FAM13A: variants seen among roughly 807,000 people sequenced by gnomAD.
FAM13A encodes the protein family with sequence similarity 13 member A.
FAM13A carries 76 observed loss-of-function variants against 129.6 expected under a neutral mutation model. The ratio of observed to expected loss-of-function variants is 0.59; its 90% CI spans 0.49 to 0.71. The LOEUF (loss-of-function observed/expected upper bound fraction) is 0.71. Ranked by LOEUF, FAM13A falls within the 30% of genes least tolerant of loss-of-function variation. The pLI is 0.00. For synonymous variants in FAM13A, 443 were observed against 449.9 expected, an observed-to-expected ratio of 0.98 and a Z score of 0.20; for missense variants, 1,108 against 1,249.3, an observed-to-expected ratio of 0.89 and a Z score of 1.70.
chr4:88,958,273 C>T (rs1385190658), intron 4 of FAM13A, among the ~76,000 whole-genome samples: 1 of 152,212 alleles, frequency 6.6e-6, no homozygotes, highest in Non-Finnish European at 1.5e-5. Context: ...GTTTCCTGGG[C>T]CATGTCCAGG....
chr4:89,021,285 C>G lies in FAM13A; in HGVS notation c.218-616G>C, dbSNP rs556456217. Among the ~76,000 whole-genome samples the G allele has an allele frequency of 1.5e-4, 23 of 152,306 alleles. No homozygotes were observed. The South Asian group carries it at 4.6e-3, about 30-fold the overall frequency. ...AACTTAACCTTTGGCTAAAGCAACACAGAGGGGCTGGAGCTGTTACGCTGT... is the reference window on the plus strand; with the variant it reads ...AACTTAACCTTTGGCTAAAGCAACAGAGAGGGGCTGGAGCTGTTACGCTGT... On this transcript the variant is annotated intron_variant, in intron 2 of 23. Transcript: ENST00000264344.
chr4:88,940,532 G>A (rs2148822978), intron 4 of FAM13A, among the ~76,000 whole-genome samples: 1 of 152,198 alleles, frequency 6.6e-6, no homozygotes, highest in Non-Finnish European at 1.5e-5. Context: ...AAAATGAAAG[G>A]GGACATGATT....
At chr4:88,859,555 A>G (rs1488947868) in intron 6 of FAM13A, among the ~76,000 whole-genome samples, 1 of 152,152 alleles carries the variant, frequency 6.6e-6, no homozygotes, top group Non-Finnish European at 1.5e-5. Flanking sequence ...CGGTGAAGGA[A>G]GTGATGTTGG....
At chr4:88,754,116 C>G (rs964226182) in intron 14 of FAM13A, among the ~76,000 whole-genome samples, 3 of 152,148 alleles carry the variant, frequency 2.0e-5, no homozygotes, top group Non-Finnish European at 4.4e-5. Flanking sequence ...TCCTTGTGTA[C>G]AGTTAGTTTT....
rs1350980144 is a variant in FAM13A at position 88,950,608 on chromosome 4, T to C, written c.606-12367A>G. Among the ~76,000 whole-genome samples the C allele has an allele frequency of 3.3e-5, 5 of 152,222 alleles. 1 individual carries two copies. The highest frequency in any genetic ancestry group is 3.3e-4 in the Admixed American group (5 of 15,284). ...GAATACTGAAGTGTAAAGAGCTGGA[T>C]GGGCTTGTTTTAATCCACTACCAGA... On this transcript the variant is annotated intron_variant, in intron 4 of 23. Coordinates refer to ENST00000264344, the MANE Select transcript of FAM13A (RefSeq NM_014883.4).
chr4:89,032,543 C>A (rs967781649), intron 1 of FAM13A, among the ~76,000 whole-genome samples: 2 of 152,096 alleles, frequency 1.3e-5, no homozygotes, highest in African/African-American at 4.8e-5. Context: ...TGGTTTCAGT[C>A]AAAAAGGGCT....
intron 3 of FAM13A, among the ~76,000 whole-genome samples, chr4:89,000,434 C>T (rs780141325): frequency 9.2e-5 from 14 of 152,146 alleles, no homozygotes; most frequent in Non-Finnish European, 1.6e-4. Flanking sequence ...GTACCACATA[C>T]TGTGTGATTC....
intron 7 of FAM13A, among the ~76,000 whole-genome samples, chr4:88,820,133 T>C (rs181170427): frequency 6.6e-6 from 1 of 152,324 alleles, no homozygotes; most frequent in Admixed American, 6.5e-5. Flanking sequence ...TTCTATACAC[T>C]CTCACAATAC....
At chr4:88,884,040 C>T (rs557153890) in intron 6 of FAM13A, among the ~76,000 whole-genome samples, 1 of 151,794 alleles carries the variant, frequency 6.6e-6, no homozygotes, top group African/African-American at 2.4e-5. Context: ...AAAAAAAAGT[C>T]CAGGAAAAGA....
intron 3 of FAM13A, among the ~76,000 whole-genome samples, chr4:89,004,939 G>A (rs925020968): frequency 1.3e-5 from 2 of 151,644 alleles, no homozygotes; most frequent in Non-Finnish European, 2.9e-5. Context: ...TAGGTTCGGG[G>A]GTACATGTGA....
In FAM13A at chr4:88,845,172, T is replaced by C. The variant is rs1349386031; in HGVS notation, c.1007+5848A>G. On this transcript the variant is annotated intron_variant, in intron 7 of 23. Transcript: ENST00000264344. ...GAGGGAAAAAATGAGGAAAAGGATG[T>C]TGGAGACATTGAAAAAAAAACACTG... 3.3e-5 allele frequency among the ~76,000 whole-genome samples: 5 copies of C among 149,896 alleles called. No homozygotes were observed. In the South Asian group the frequency reaches 1.0e-3, roughly 31 times the overall value.
chr4:88,954,880 C>T (rs1460136652), intron 4 of FAM13A, among the ~76,000 whole-genome samples: 5 of 137,240 alleles, frequency 3.6e-5, no homozygotes, highest in Non-Finnish European at 7.9e-5. Context: ...AGCAAGACTT[C>T]GTCTCAAAAA....
At chr4:89,050,716 T>C (rs1178954348) in intron 1 of FAM13A, among the ~76,000 whole-genome samples, 1 of 151,636 alleles carries the variant, frequency 6.6e-6, no homozygotes, top group Non-Finnish European at 1.5e-5. Context: ...TCACCTGAGG[T>C]CAGGAGTTCA....
intron 6 of FAM13A, among the ~76,000 whole-genome samples, chr4:88,858,925 T>C (rs1285030124): frequency 2.6e-5 from 4 of 152,298 alleles, no homozygotes; most frequent in Admixed American, 6.5e-5. Context: ...AAGAGGAAGA[T>C]CAAGTGTGTC....
intron 8 of FAM13A, among the ~76,000 whole-genome samples, chr4:88,797,018 GA>G (rs1208468602): frequency 1.3e-5 from 2 of 151,940 alleles, no homozygotes; most frequent in African/African-American, 4.8e-5. Context: ...AAAACCTCTT[GA>G]CACCTGCTTC....
At chr4:88,988,114 T>G (rs183366496) in intron 4 of FAM13A, among the ~76,000 whole-genome samples, 1 of 152,150 alleles carries the variant, frequency 6.6e-6, no homozygotes, top group East Asian at 1.9e-4. Context: ...TTGCACATCC[T>G]GCACATGTAT....
At chr4:89,041,919 C>CA (rs35090010) in intron 1 of FAM13A, among the ~76,000 whole-genome samples, 218 of 139,462 alleles carry the variant, frequency 1.6e-3, no homozygotes, top group East Asian at 3.7e-3. Flanking sequence ...GACTCTGCCT[C>CA]AAAAAAAAAA....
At chr4:88,962,857 C>G (rs566319831) in intron 4 of FAM13A, among the ~76,000 whole-genome samples, 4 of 152,236 alleles carry the variant, frequency 2.6e-5, no homozygotes, top group African/African-American at 9.6e-5. Flanking sequence ...ATGACAACTA[C>G]TACAACAGTG....
intron 12 of FAM13A, 128 bp from the exon 13 acceptor site, chr4:88,767,723 T>C (rs1745958233): frequency 1.3e-6 from 1 of 779,618 alleles, no homozygotes; most frequent in East Asian, 2.8e-5. Flanking sequence ...CTTATAAAAT[T>C]CAAAAACAAA....
Sources: allele counts gnomAD v4.1 joint callset (sites outside exome capture counted in the v4.1 genomes callset), GRCh38; gene constraint gnomAD v4.1.1; transcripts MANE v1.5; gene names NCBI Gene and HGNC (gene_info 2026-07-23, HGNC 2026-07-21).